Variants in GPBP1 observed in about 807,000 individuals in gnomAD.
GPBP1 encodes vasculin.
GPBP1 carries 13 observed loss-of-function variants against 56.5 expected under a neutral mutation model. That is an observed-to-expected ratio of 0.23 (90% confidence interval 0.15 to 0.37). The LOEUF is 0.37. GPBP1 is among the 10% of genes least tolerant of loss of function. The probability of loss-of-function intolerance (pLI) is 1.00; values close to 1 mark genes in which losing one functional copy is unlikely to be tolerated. For synonymous variants in GPBP1, 204 were observed against 188.9 expected (o/e 1.08, Z -0.66); for missense variants, 477 against 572.3 (o/e 0.83, Z 1.70).
rs149744938 is a variant in GPBP1, at chr5:57,205,105, G to A, written c.-57-8969G>A. On this transcript the variant is annotated intron_variant, in intron 2 of 11. Transcript: ENST00000506184. ...GAAAACTGTCTCTAAGCAGTCACCC[G>A]CATTCCACCCTCCCAACAGTCTCTA... Among the ~76,000 whole-genome samples, 126 of 152,150 alleles carry A rather than the reference G, an allele frequency of 8.3e-4. 1 individual carries two copies. The highest frequency in any genetic ancestry group is 1.3e-3 in the Non-Finnish European group (88 of 67,998).
intron 6 of GPBP1, among the ~76,000 whole-genome samples, chr5:57,239,770 A>C (rs75264608): frequency 0.021 from 3,120 of 152,146 alleles, 108 homozygotes; most frequent in African/African-American, 0.072. Context: ...ACAAAGAGAC[A>C]CTCCATCTCC....
intron 11 of GPBP1, 58 bp downstream of exon 11, chr5:57,261,340 T>C: frequency 2.2e-6 from 2 of 906,274 alleles, no homozygotes; most frequent in Non-Finnish European, 3.7e-6. Flanking sequence ...TAGAACAATA[T>C]AATTATATGT....
At chr5:57,258,478 T>G (rs952710836) in intron 10 of GPBP1, among the ~76,000 whole-genome samples, 6 of 152,202 alleles carry the variant, frequency 3.9e-5, no homozygotes, top group African/African-American at 1.4e-4. Context: ...GTGGTATGTA[T>G]TTGTATATCT....
intron 2 of GPBP1, among the ~76,000 whole-genome samples, chr5:57,189,737 A>G (rs1033274130): frequency 2.0e-5 from 3 of 152,238 alleles, no homozygotes; most frequent in Admixed American, 6.5e-5. Flanking sequence ...TGCATACTCT[A>G]TAGCCTGCAA....
At chr5:57,233,663 T>A (rs1280328424) in intron 5 of GPBP1, among the ~76,000 whole-genome samples, 1 of 152,240 alleles carries the variant, frequency 6.6e-6, no homozygotes, top group Non-Finnish European at 1.5e-5. Context: ...TGGGTCATCA[T>A]AAAGGTCTTT....
In GPBP1 at chr5:57,175,646, C is replaced by G; in HGVS notation, c.-812C>G. The G allele has an allele frequency of 2.5e-6, 1 of 396,646 alleles. No individual in the cohort carries two copies. 24.6% of individuals were successfully genotyped at this position (396,646 alleles called of 1,614,324 possible). ...CAAGCTACTTAAAAAGAGACCCAGG[C>G]AGCATTTCTTCAGTATTTTGGTTCA... On this transcript the variant is annotated 5_prime_UTR_variant, in exon 2 of 12. Transcript: ENST00000506184.
rs1307849474 is a variant in GPBP1, at chr5:57,231,337, C to T, written c.411+16C>T. The T allele has an allele frequency of 3.2e-6, 5 of 1,586,792 alleles. No homozygotes were observed. The Admixed American group carries it at 8.5e-5, about 27-fold the overall frequency. On this transcript the variant is annotated intron_variant, in intron 5 of 11. Coordinates refer to ENST00000506184, the MANE Select transcript of GPBP1 (RefSeq NM_022913.4). ...TGAGGATTTTGTAAGTTTTTTATGA[C>T]TTTTATACAAATGAAGTTTCTGTAA...
intron 6 of GPBP1, chr5:57,237,464 A>C (rs890034091): frequency 1.2e-5 from 4 of 328,948 alleles, no homozygotes; most frequent in African/African-American, 8.3e-5. Flanking sequence ...TTTTGGTTCT[A>C]CTGTTTCAGG....
At chr5:57,253,464 C>T (rs1741483272) in intron 10 of GPBP1, among the ~76,000 whole-genome samples, 1 of 152,138 alleles carries the variant, frequency 6.6e-6, no homozygotes, top group Admixed American at 6.5e-5. Context: ...GTTATATCTC[C>T]TCTTGGATAA....
intron 2 of GPBP1, among the ~76,000 whole-genome samples, chr5:57,207,264 G>C (rs911392322): frequency 6.6e-6 from 1 of 152,164 alleles, no homozygotes; most frequent in Admixed American, 6.5e-5. Context: ...AGGGCCCCTC[G>C]CACTTCCAAA....
intron 6 of GPBP1, among the ~76,000 whole-genome samples, chr5:57,242,534 C>T (rs1172347797): frequency 6.6e-6 from 1 of 152,120 alleles, no homozygotes; most frequent in Non-Finnish European, 1.5e-5. Context: ...TGCCCTCTCC[C>T]CCAGGCATGA....
chr5:57,261,678 G>T (rs982361342), intron 11 of GPBP1, among the ~76,000 whole-genome samples: 1 of 151,844 alleles, frequency 6.6e-6, no homozygotes, highest in Non-Finnish European at 1.5e-5. Context: ...TTTGTTTTTG[G>T]CTTTTCTGGG....
intron 2 of GPBP1, among the ~76,000 whole-genome samples, chr5:57,190,179 G>A (rs983763507): frequency 1.4e-5 from 2 of 147,448 alleles, no homozygotes; most frequent in Non-Finnish European, 3.0e-5. Flanking sequence ...TTAGGGGGGG[G>A]ATTGGGTGTA....
chr5:57,237,238 G>GA, intron 6 of GPBP1: 4 of 1,046,170 alleles, frequency 3.8e-6, no homozygotes, highest in Non-Finnish European at 1.5e-6. Flanking sequence ...GAACCACCTG[G>GA]AAGGTGTTAA....
chr5:57,181,386 C>T (rs1263977297), intron 2 of GPBP1, among the ~76,000 whole-genome samples: 1 of 150,066 alleles, frequency 6.7e-6, no homozygotes, highest in South Asian at 2.1e-4. Context: ...GTATTTTTGG[C>T]GCTGCGATCG....
intron 2 of GPBP1, among the ~76,000 whole-genome samples, chr5:57,200,298 C>T (rs1206571161): frequency 1.4e-5 from 2 of 145,934 alleles, no homozygotes; most frequent in East Asian, 4.0e-4. Context: ...ATTTCATTTT[C>T]TGTTTAATTA....
intron 3 of GPBP1, among the ~76,000 whole-genome samples, chr5:57,219,392 A>C (rs952875552): frequency 3.9e-5 from 3 of 76,528 alleles, no homozygotes; most frequent in African/African-American, 1.8e-4. Context: ...AAAAAAAAAA[A>C]AAAAAAAAAA....
intron 3 of GPBP1, among the ~76,000 whole-genome samples, chr5:57,227,978 A>G (rs1265350381): frequency 6.6e-6 from 1 of 152,230 alleles, no homozygotes; most frequent in Non-Finnish European, 1.5e-5. Flanking sequence ...CAGACATGCT[A>G]CAAAGTATGA....
At chr5:57,256,065 G>A (rs184148156) in intron 10 of GPBP1, among the ~76,000 whole-genome samples, 10 of 152,276 alleles carry the variant, frequency 6.6e-5, no homozygotes, top group African/African-American at 2.4e-4. Context: ...AGACCAGCCT[G>A]GCCAACATGG....
Sources: allele counts gnomAD v4.1 joint callset (sites outside exome capture counted in the v4.1 genomes callset), GRCh38; gene constraint gnomAD v4.1.1; transcripts MANE v1.5; gene names NCBI Gene and HGNC (gene_info 2026-07-23, HGNC 2026-07-21).